Variants in DAZAP2 observed in about 807,000 individuals in gnomAD.
DAZAP2 encodes the protein DAZ-associated protein 2.
In DAZAP2, 3 loss-of-function variants were observed where a neutral mutation model predicts 16.2. That is an observed-to-expected ratio of 0.19 (90% confidence interval 0.08 to 0.48). The LOEUF is 0.48. DAZAP2 is among the 20% of genes least tolerant of loss of function. DAZAP2 has a pLI of 0.98. For synonymous variants in DAZAP2, 69 were observed against 77.6 expected (o/e 0.89, Z 0.58); for missense variants, 172 against 215.9 (o/e 0.80, Z 1.27).
At chr12:51,244,015 C>T (rs910607211), downstream of DAZAP2, 13 of 720,670 alleles carry the variant, frequency 1.8e-5, no homozygotes, top group African/African-American at 1.2e-4. Flanking sequence ...TTTGGAATTT[C>T]GGACCTAAAC....
chr12:51,244,897 T>G (rs1024306147), downstream of DAZAP2: 2 of 142,272 alleles, frequency 1.4e-5, no homozygotes, highest in African/African-American at 5.2e-5. Context: ...CAATCTCAGC[T>G]CACTGCAAGC....
chr12:51,239,472 GGAATA>G, intron 1 of DAZAP2: 1 of 127,776 alleles, frequency 7.8e-6, no homozygotes, highest in East Asian at 2.2e-4. Context: ...GGGTAAAAAA[GGAATA>G]GAAAAAAAAA....
At chr12:51,246,687 C>G, downstream of DAZAP2, 1 of 1,323,614 alleles carries the variant, frequency 7.6e-7, no homozygotes, top group Admixed American at 3.0e-5. Flanking sequence ...TTTGGTCAGG[C>G]TCCCTCTGGA....
At chr12:51,246,085 C>A, downstream of DAZAP2, 1 of 1,613,756 alleles carries the variant, frequency 6.2e-7, no homozygotes, top group Non-Finnish European at 8.5e-7. Flanking sequence ...AGATCACGAC[C>A]GAGAGCAGGG....
Position 51,240,350 on chromosome 12 carries a change from T to TC in DAZAP2, c.23dup (p.Thr9AsnfsTer103). Reference sequence around the variant, plus strand: ...TTTTTTCTTGTCTTTCAGGTCAATATCCAACACAGCCAACCTACCCTGTGC... The same window carrying TC: ...TTTTTTCTTGTCTTTCAGGTCAATATCCCAACACAGCCAACCTACCCTGTGC... On this transcript the variant is annotated frameshift_variant, in exon 2 of 4. Transcript: ENST00000412716. LOFTEE classifies it high-confidence loss of function. 2 of 1,613,872 alleles carry TC rather than the reference T, an allele frequency of 1.2e-6. No individual in the cohort carries two copies. The highest frequency in any genetic ancestry group is 1.7e-6 in the Non-Finnish European group (2 of 1,179,852).
In DAZAP2 at chr12:51,240,500, C is replaced by G. The variant is rs150181233; in HGVS notation, c.132+39C>G. The G allele has an allele frequency of 8.2e-5, 125 of 1,516,230 alleles. No homozygotes were observed. In the East Asian group the frequency reaches 2.6e-3, roughly 32 times the overall value. The allele number at this position is 1,516,230 out of a possible 1,614,324, so 93.9% of individuals were successfully genotyped here. A position where few individuals can be genotyped will look rare whatever the true frequency, so the allele number is the denominator to read the frequency against. On this transcript the variant is annotated intron_variant, in intron 2 of 3. Transcript: ENST00000412716. ...GCCAGATTTGAACTAGCTGGGAATA[C>G]TCTTAGGGTGGTCCTTTAGTCCTTA...
At chr12:51,239,046 C>T (rs1944608145) in intron 1 of DAZAP2, 126 bp downstream of exon 1, 2 of 1,367,100 alleles carry the variant, frequency 1.5e-6, no homozygotes, top group Non-Finnish European at 9.8e-7. Flanking sequence ...TGGCCGGCTG[C>T]AGTCCAGGGC....
At chr12:51,244,038 G>T (rs573147406), downstream of DAZAP2, 3 of 493,148 alleles carry the variant, frequency 6.1e-6, no homozygotes, top group Admixed American at 1.3e-4. Context: ...AGAAATGAGG[G>T]AACTATTGAT....
downstream of DAZAP2, chr12:51,245,099 T>A: frequency 6.6e-6 from 1 of 152,236 alleles, no homozygotes; most frequent in Non-Finnish European, 1.5e-5. Flanking sequence ...AGTGCTGGGA[T>A]CACAGGCGTG....
At position 51,238,895 on chromosome 12, in the gene DAZAP2, A is replaced by G. The variant is rs747112751; in HGVS notation, c.-13A>G. On this transcript the variant is annotated 5_prime_UTR_variant, in exon 1 of 4. Transcript: ENST00000412716. ...CGTCCGCGACGCCGAGACAAACCGG[A>G]CCCGCAACCACCATGAACAGCAAAG... is the stretch of plus-strand genomic sequence containing the variant. The G allele has an allele frequency of 2.1e-5, 34 of 1,613,270 alleles. No individual in the cohort carries two copies. Among genetic ancestry groups the G allele is most frequent in the Non-Finnish European group, 2.6e-5 (31 of 1,179,908 alleles).
At position 51,243,926 on chromosome 12, in the gene DAZAP2, A is replaced by G. The variant is rs541596133; in HGVS notation, c.*1468A>G. 21 of 984,866 alleles carry G rather than the reference A, an allele frequency of 2.1e-5. No homozygotes were observed. In the Middle Eastern group the frequency reaches 1.6e-3, roughly 74 times the overall value. The allele number at this position is 984,866 out of a possible 1,614,324, so 61.0% of individuals were successfully genotyped here. ...CGCTTTGAAATAAAGGCAGGAGTACAAGCCTAAGACTTGATCATTTCATGA... is the reference window on the plus strand; with the variant it reads ...CGCTTTGAAATAAAGGCAGGAGTACGAGCCTAAGACTTGATCATTTCATGA... On this transcript the variant is annotated 3_prime_UTR_variant, in exon 4 of 4. Coordinates refer to ENST00000412716, the MANE Select transcript of DAZAP2 (RefSeq NM_014764.4).
At position 51,241,146 on chromosome 12, in the gene DAZAP2, G is replaced by C. The variant is rs749290133; in HGVS notation, c.378+30G>C. On this transcript the variant is annotated intron_variant, in intron 3 of 3. Transcript: ENST00000412716. ...GTATGACCTCATCAGAAGAAACTCA[G>C]CCCTTGTGTATTTTAACTTTCTGAA... The C allele has an allele frequency of 5.6e-6, 9 of 1,606,400 alleles. No homozygotes were observed. The South Asian group carries it at 9.9e-5, about 18-fold the overall frequency.
chr12:51,241,405 T>C (rs1944674863), intron 3 of DAZAP2, among the ~76,000 whole-genome samples: 1 of 152,202 alleles, frequency 6.6e-6, no homozygotes, highest in African/African-American at 2.4e-5. Flanking sequence ...TAATGCTCCT[T>C]ATTCATTCCA....
Position 51,242,997 on chromosome 12 carries a change from G to A in DAZAP2, c.*539G>A, listed in dbSNP as rs1297373967. ...CCCGCCAGTCTCCATTGAATCAATG[G>A]TGCAGGACAGAAAGCCAGTCAGACT... On this transcript the variant is annotated 3_prime_UTR_variant, in exon 4 of 4. Transcript: ENST00000412716. 3 of 1,021,184 alleles carry A rather than the reference G, an allele frequency of 2.9e-6. No individual in the cohort carries two copies. In the Admixed American group the frequency reaches 1.7e-4, roughly 59 times the overall value. The allele number at this position is 1,021,184 out of a possible 1,614,324, so 63.3% of individuals were successfully genotyped here. A position where few individuals can be genotyped will look rare whatever the true frequency, so the allele number is the denominator to read the frequency against.
chr12:51,240,909 A>G lies in DAZAP2; in HGVS notation c.171A>G (p.Thr57=). The G allele has an allele frequency of 1.2e-6, 2 of 1,614,226 alleles. No individual in the cohort carries two copies. Among genetic ancestry groups the G allele is most frequent in the Non-Finnish European group, 8.5e-7 (1 of 1,180,036 alleles). Residue 57 remains threonine (T), a synonymous_variant, in exon 3 of 4, where the codon ACA becomes ACG. Transcript: ENST00000412716. ...RPSFVHPGAA[T]VPTMSAAFPG... is the part of the protein sequence containing the mutation. ...GCTTTGTGCACCCAGGGGCTGCCAC[A>G]GTCCCCACCATGTCAGCCGCATTTC...
chr12:51,244,676 G>T (rs1944741071), downstream of DAZAP2: 1 of 152,288 alleles, frequency 6.6e-6, no homozygotes, highest in South Asian at 2.1e-4. Context: ...AATCCAAGAA[G>T]CTTCTTGGCT....
rs1401152198 is a variant in DAZAP2, at chr12:51,243,697, G to A, written c.*1239G>A. On this transcript the variant is annotated 3_prime_UTR_variant, in exon 4 of 4. Coordinates refer to ENST00000412716, the MANE Select transcript of DAZAP2 (RefSeq NM_014764.4). ...CGTTGTATGTCTCTCTCTACACTGT[G>A]GTGCACTTAACTTGTGGAATTTTTA... The A allele has an allele frequency of 1.0e-6, 1 of 985,282 alleles. No homozygotes were observed. The highest frequency in any genetic ancestry group is 1.7e-5 in the African/African-American group (1 of 57,148). 61.0% of individuals were successfully genotyped at this position (985,282 alleles called of 1,614,324 possible).
chr12:51,241,149 C>G, intron 3 of DAZAP2, 33 bp downstream of exon 3: 2 of 1,604,948 alleles, frequency 1.2e-6, no homozygotes, highest in Non-Finnish European at 1.7e-6. Context: ...AAACTCAGCC[C>G]TTGTGTATTT....
At chr12:51,246,183 A>G, downstream of DAZAP2, 1 of 1,583,642 alleles carries the variant, frequency 6.3e-7, no homozygotes, top group Non-Finnish European at 8.6e-7. Flanking sequence ...TAGTTCCTGG[A>G]GTCATCTGAT....
Sources: allele counts gnomAD v4.1 joint callset (sites outside exome capture counted in the v4.1 genomes callset), GRCh38; gene constraint gnomAD v4.1.1; transcripts MANE v1.5; gene names NCBI Gene and HGNC (gene_info 2026-07-23, HGNC 2026-07-21).